ODAD3: variants seen among roughly 807,000 people sequenced by gnomAD.
ODAD3 encodes the protein outer dynein arm-docking complex subunit 3.
Under a neutral mutation model 70.9 loss-of-function variants are expected in ODAD3, and 57 were observed. The ratio of observed to expected loss-of-function variants is 0.80; its 90% confidence interval spans 0.65 to 1.00. The LOEUF is 1.00. ODAD3 is among the 50% of genes least tolerant of loss of function. ODAD3 has a pLI of 0.00. For missense variants in ODAD3, 797 were observed against 763.9 expected (o/e 1.04, Z -0.51); for synonymous variants, 327 against 315.9 (o/e 1.04, Z -0.37).
Position 11,425,481 on chromosome 19 carries a change from G to GTGTATATA in ODAD3, c.963+655_963+662dup, listed in dbSNP as rs1182136668. 6.5e-5 allele frequency among the ~76,000 whole-genome samples: 9 copies of GTGTATATA among 138,114 alleles called. 1 individual carries two copies. The highest frequency in any genetic ancestry group is 4.5e-3 in the Middle Eastern group (1 of 224). The allele number at this position is 138,114 out of a possible 152,430, so 90.6% of individuals were successfully genotyped here. A position where few individuals can be genotyped will look rare whatever the true frequency, so the allele number is the denominator to read the frequency against. ...TGTGTGTGTATATATGTATATATGT[G>GTGTATATA]TGTATATATGTATATATGTATATAT... On this transcript the variant is annotated intron_variant, in intron 7 of 12. Transcript: ENST00000356392.
chr19:11,425,810 C>T (rs993431638), intron 7 of ODAD3, among the ~76,000 whole-genome samples: 1 of 150,974 alleles, frequency 6.6e-6, no homozygotes, highest in Non-Finnish European at 1.5e-5. Flanking sequence ...GGGGGCAGGG[C>T]CTTAGGCAAC....
Position 11,422,934 on chromosome 19 carries a change from C to T in ODAD3, c.1117-73G>A. The T allele has an allele frequency of 6.6e-7, 1 of 1,518,966 alleles. No individual in the cohort carries two copies. Among genetic ancestry groups the T allele is most frequent in the Admixed American group, 2.0e-5 (1 of 51,112 alleles). 94.1% of individuals were successfully genotyped at this position (1,518,966 alleles called of 1,614,324 possible). On this transcript the variant is annotated intron_variant, in intron 8 of 12. Transcript: ENST00000356392. This position sits in a 1 kb window ranked among gnomAD's most constrained non-coding sequence, Gnocchi z 4.6. ...GGGCGCTCCACCTCCTCTCCCCCAC[C>T]CTGCGAACCCTCGCACGCAGGACAG...
chr19:11,426,439 G>T lies in ODAD3; in HGVS notation c.840+7C>A. The T allele has an allele frequency of 6.2e-7, 1 of 1,614,008 alleles. No homozygotes were observed. Among genetic ancestry groups the T allele is most frequent in the Non-Finnish European group, 8.5e-7 (1 of 1,179,952 alleles). ...GGCAGGATGGCCGAGGGCAAGAGGG[G>T]TGGCACCTTGGCAATGTCCCGGGCA... On this transcript the variant is annotated splice_region_variant and intron_variant, in intron 6 of 12. Coordinates refer to ENST00000356392, the MANE Select transcript of ODAD3 (RefSeq NM_145045.5).
chr19:11,426,280 AG>A lies in ODAD3; in HGVS notation c.841-15del. 1 of 1,613,060 alleles carries A rather than the reference AG, an allele frequency of 6.2e-7. No individual in the cohort carries two copies. ...CTGCAGCTGGTTCTGGAGGGCGGGC[AG>A]GGTAGCAGGGAGACCAGCTGGCACC... On this transcript the variant is annotated splice_polypyrimidine_tract_variant and intron_variant, in intron 6 of 12. Coordinates refer to ENST00000356392, the MANE Select transcript of ODAD3 (RefSeq NM_145045.5).
chr19:11,426,064 G>C, intron 7 of ODAD3, 80 bp downstream of exon 7: 1 of 1,533,530 alleles, frequency 6.5e-7, no homozygotes, highest in Non-Finnish European at 8.7e-7. Context: ...AGAAGGCCTA[G>C]GATGAGGGAG....
intron 1 of ODAD3, among the ~76,000 whole-genome samples, chr19:11,434,088 C>T (rs1463718245): frequency 6.6e-6 from 1 of 151,982 alleles, no homozygotes; most frequent in African/African-American, 2.4e-5. Flanking sequence ...TGGCACGCAC[C>T]TATAGTCCCA....
At chr19:11,425,410 C>CATATGTGTATATGTGT (rs1969320335) in intron 7 of ODAD3, among the ~76,000 whole-genome samples, 26 of 99,970 alleles carry the variant, frequency 2.6e-4, no homozygotes, top group African/African-American at 1.9e-3. Context: ...TGTATATATA[C>CATATGTGTATATGTGT]ATATATGTGT....
In ODAD3 at chr19:11,422,860, G is replaced by T; in HGVS notation, c.1118C>A (p.Ser373Ter). 1 of 1,602,334 alleles carries T rather than the reference G, an allele frequency of 6.2e-7. No individual in the cohort carries two copies. Among genetic ancestry groups the T allele is most frequent in the Non-Finnish European group, 8.5e-7 (1 of 1,179,634 alleles). ...KDATGTDETH[S>*]LVRRFLAQGD... Reference sequence around the variant, plus strand: ...CTGGGCCAGGAACCGCCGCACCAACGACTGCGGGCCACCCAGCCCCAGTCA... The same window carrying T: ...CTGGGCCAGGAACCGCCGCACCAACTACTGCGGGCCACCCAGCCCCAGTCA... Residue 373 changes from serine (S) to a stop codon, truncating the protein, a stop_gained and splice_region_variant, in exon 9 of 13, where the codon TCG becomes TAG. Coordinates refer to ENST00000356392, the MANE Select transcript of ODAD3 (RefSeq NM_145045.5). LOFTEE classifies it high-confidence loss of function. The surrounding 1 kb of genome is among the most constrained non-coding windows in gnomAD (Gnocchi z 4.6).
At chr19:11,421,278 C>T (rs959048750) in intron 11 of ODAD3, 66 bp from the exon 12 acceptor site, 105 of 1,397,968 alleles carry the variant, frequency 7.5e-5, no homozygotes, top group Non-Finnish European at 9.8e-5. Context: ...AAGTCACGTT[C>T]CCCCTCCTCC....
Position 11,422,331 on chromosome 19 carries a change from C to T in ODAD3, c.1434+140G>A. 1.9e-6 allele frequency: 2 copies of T among 1,064,622 alleles called. No homozygotes were observed. The highest frequency in any genetic ancestry group is 1.3e-6 in the Non-Finnish European group (1 of 766,772). The allele number at this position is 1,064,622 out of a possible 1,614,324, so 65.9% of individuals were successfully genotyped here. ...AATGGGGTGGGGCTTCCCCTGTGGG[C>T]GGGGCCTCTGACGTCCGGGACAGAG... On this transcript the variant is annotated intron_variant, in intron 10 of 12. Transcript: ENST00000356392. The surrounding 1 kb of genome is among the most constrained non-coding windows in gnomAD (Gnocchi z 4.6).
At chr19:11,424,102 T>A in intron 7 of ODAD3, 73 bp from the exon 8 acceptor site, 1 of 1,487,262 alleles carries the variant, frequency 6.7e-7, no homozygotes, top group Non-Finnish European at 9.2e-7. Context: ...GGGAGGGGGA[T>A]CCAGATAGGG....
At position 11,425,101 on chromosome 19, in the gene ODAD3, ATG is replaced by A. The variant is rs1379616989; in HGVS notation, c.963+1041_963+1042del. Among the ~76,000 whole-genome samples the A allele has an allele frequency of 9.8e-4, 131 of 133,272 alleles. 25 individuals are homozygous for A. The highest frequency in any genetic ancestry group is 2.8e-3 in the African/African-American group (84 of 30,514). 87.4% of individuals were successfully genotyped at this position (133,272 alleles called of 152,430 possible). On this transcript the variant is annotated intron_variant, in intron 7 of 12. Coordinates refer to ENST00000356392, the MANE Select transcript of ODAD3 (RefSeq NM_145045.5). ...TGTGTATATGTACATATGTGTATAT[ATG>A]TATATATGTGTATATGTACATATGT... is the stretch of plus-strand genomic sequence containing the variant.
Position 11,434,879 on chromosome 19 carries a change from C to G in ODAD3, c.138G>C (p.Gln46His). 6.2e-7 allele frequency: 1 copy of G among 1,614,214 alleles called. No homozygotes were observed. Among genetic ancestry groups the G allele is most frequent in the Non-Finnish European group, 8.5e-7 (1 of 1,180,038 alleles). Residue 46 changes from glutamine (Q) to histidine (H), a missense_variant, in exon 1 of 13, where the codon CAG becomes CAC. Coordinates refer to ENST00000356392, the MANE Select transcript of ODAD3 (RefSeq NM_145045.5). The part of the protein sequence containing the change: ...PSHLRGKGTA[Q>H]AWTPGRSKGG... Reference sequence around the variant, plus strand: ...CCTTGGAACGGCCTGGGGTCCACGCCTGGGCTGTGCCCTTGCCTCGGAGGT... The same window carrying G: ...CCTTGGAACGGCCTGGGGTCCACGCGTGGGCTGTGCCCTTGCCTCGGAGGT...
In ODAD3 at chr19:11,430,908, G is replaced by A; in HGVS notation, c.357C>T (p.Asp119=). The A allele has an allele frequency of 6.2e-7, 1 of 1,614,026 alleles. No homozygotes were observed. The highest frequency in any genetic ancestry group is 8.5e-7 in the Non-Finnish European group (1 of 1,179,998). The change falls in exon 2 of 13, where the codon GAC becomes GAT. Residue 119 remains aspartate, a synonymous_variant. Coordinates refer to ENST00000356392, the MANE Select transcript of ODAD3 (RefSeq NM_145045.5). ...CCCCTTTGCCCCTTACCTTGAGCAG[G>A]TCCAGCAGCTTTAGTTCCAGTGCCT... ...ETKALELKLL[D]LLKGDEKVVQ... is the part of the protein sequence containing the mutation.
intron 4 of ODAD3, 30 bp downstream of exon 4, chr19:11,426,843 C>T (rs1969388365): frequency 6.2e-7 from 1 of 1,612,262 alleles, no homozygotes; most frequent in South Asian, 1.1e-5. Flanking sequence ...CCACACGACC[C>T]TCTGCCCTGC....
At chr19:11,432,245 A>ATTTTC (rs762542313) in intron 1 of ODAD3, among the ~76,000 whole-genome samples, 1 of 151,970 alleles carries the variant, frequency 6.6e-6, no homozygotes. Flanking sequence ...GGACTGTTGT[A>ATTTTC]TTTTCTTTTC....
rs112619729 is a variant in ODAD3, at chr19:11,430,443, G to GTT, written c.444+254_444+255dup. 254 of 448,624 alleles carry GTT rather than the reference G, an allele frequency of 5.7e-4. 2 individuals carry two copies. The highest frequency in any genetic ancestry group is 2.5e-3 in the Middle Eastern group (4 of 1,606). The allele number at this position is 448,624 out of a possible 1,614,324, so 27.8% of individuals were successfully genotyped here. A position where few individuals can be genotyped will look rare whatever the true frequency, so the allele number is the denominator to read the frequency against. On this transcript the variant is annotated intron_variant, in intron 3 of 12. Coordinates refer to ENST00000356392, the MANE Select transcript of ODAD3 (RefSeq NM_145045.5). Reference sequence around the variant, plus strand: ...GTGGGCCACCGCGCCTGGCTGTGATGTTTTTTTTTTTAACTTGTTTTCCCT... The same window carrying GTT: ...GTGGGCCACCGCGCCTGGCTGTGATGTTTTTTTTTTTTTAACTTGTTTTCCCT...
rs890868124 is a variant in ODAD3, at chr19:11,434,985, G to A, written c.32C>T (p.Ala11Val). 6.2e-7 allele frequency: 1 copy of A among 1,612,958 alleles called. No individual in the cohort carries two copies. Among genetic ancestry groups the A allele is most frequent in the Non-Finnish European group, 8.5e-7 (1 of 1,180,016 alleles). ...CTGGTCCTGAGGAGGCAGGGCGTTG[G>A]CGGAGGCCGCCCTGCACAGAGGAGA... is the stretch of plus-strand genomic sequence containing the variant. MTSPLCRAASANALPPQDQAS... is the reference protein window; with the variant it reads MTSPLCRAASVNALPPQDQAS... The change falls in exon 1 of 13, where the codon GCC becomes GTC. Residue 11 changes from alanine (A) to valine (V), a missense_variant. Physicochemically the swap from Ala to Val is moderately conservative, Grantham distance 64 (BLOSUM62 0). Transcript: ENST00000356392.
At chr19:11,421,865 G>A in intron 10 of ODAD3, 33 bp from the exon 11 acceptor site, 1 of 1,594,670 alleles carries the variant, frequency 6.3e-7, no homozygotes, top group Non-Finnish European at 8.5e-7. Flanking sequence ...TCAGCCGAGA[G>A]GGGTGGGGCC....
Sources: allele counts gnomAD v4.1 joint callset (sites outside exome capture counted in the v4.1 genomes callset), GRCh38; gene constraint gnomAD v4.1.1; non-coding constraint Gnocchi (gnomAD v3.1); transcripts MANE v1.5; gene names NCBI Gene and HGNC (gene_info 2026-07-23, HGNC 2026-07-21).